Variants in RIN2 observed in about 807,000 individuals in gnomAD.
RIN2 encodes the protein Ras and Rab interactor 2.
RIN2 carries 36 observed loss-of-function variants against 78.0 expected under a neutral mutation model. The ratio of observed to expected loss-of-function variants is 0.46; its 90% CI spans 0.35 to 0.61. The LOEUF (loss-of-function observed/expected upper bound fraction) is 0.61, where lower values mean the gene tolerates loss of function less well. Ranked by LOEUF, RIN2 falls within the 20% of genes least tolerant of loss-of-function variation. The pLI, the probability that RIN2 is intolerant of heterozygous loss-of-function variation, is 0.00. For synonymous variants in RIN2, 466 were observed against 466.8 expected (o/e 1.00, Z 0.02); for missense variants, 1,087 against 1,159.7 (o/e 0.94, Z 0.91).
intron 2 of RIN2, among the ~76,000 whole-genome samples, chr20:19,875,541 G>A (rs190850051): frequency 2.6e-5 from 4 of 152,264 alleles, no homozygotes; most frequent in South Asian, 2.1e-4. Context: ...AGTCTGAGGC[G>A]GGAGGATGGC....
At chr20:19,848,965 T>C (rs770099364) in intron 2 of RIN2, among the ~76,000 whole-genome samples, 26 of 152,186 alleles carry the variant, frequency 1.7e-4, no homozygotes, top group Non-Finnish European at 2.5e-4. Flanking sequence ...CAGTCGGCCA[T>C]TTAGTTGTCC....
chr20:19,880,054 G>A (rs538585054), intron 2 of RIN2, among the ~76,000 whole-genome samples: 1 of 152,232 alleles, frequency 6.6e-6, no homozygotes, highest in East Asian at 1.9e-4. Flanking sequence ...TTCAAGACCA[G>A]CCTGGCCAAC....
intron 1 of RIN2, among the ~76,000 whole-genome samples, chr20:19,769,520 A>G (rs1449855654): frequency 4.6e-5 from 7 of 152,204 alleles, no homozygotes; most frequent in Non-Finnish European, 7.3e-5. Context: ...CATCTCTGGT[A>G]GGTTGCACAA....
At chr20:19,832,773 A>G (rs1030026828) in intron 2 of RIN2, among the ~76,000 whole-genome samples, 4 of 152,014 alleles carry the variant, frequency 2.6e-5, no homozygotes, top group African/African-American at 9.7e-5. Flanking sequence ...GAGGGGACGA[A>G]TGCTCTGTCC....
chr20:19,831,573 A>G (rs2036252396), intron 2 of RIN2, among the ~76,000 whole-genome samples: 1 of 152,234 alleles, frequency 6.6e-6, no homozygotes, highest in African/African-American at 2.4e-5. Flanking sequence ...CTGAATAGGA[A>G]GAGTAGACCG....
intron 6 of RIN2, among the ~76,000 whole-genome samples, chr20:19,963,523 C>T (rs988086173): frequency 7.3e-5 from 11 of 151,188 alleles, no homozygotes; most frequent in African/African-American, 2.2e-4. Context: ...ACAGGAGAAT[C>T]GCTTGAACCC....
chr20:19,992,140 T>C (rs1206573703), intron 10 of RIN2, 28 bp from the exon 11 acceptor site: 1 of 1,606,062 alleles, frequency 6.2e-7, no homozygotes, highest in African/African-American at 1.3e-5. Flanking sequence ...GGTAAAAATA[T>C]TCCATCTCCT....
chr20:19,771,552 T>C (rs189476378), intron 1 of RIN2, among the ~76,000 whole-genome samples: 223 of 152,254 alleles, frequency 1.5e-3, no homozygotes, highest in African/African-American at 5.1e-3. Flanking sequence ...ACGGCATCCT[T>C]AAGGGATTCA....
chr20:19,981,906 C>T (rs1045187708), intron 9 of RIN2, among the ~76,000 whole-genome samples: 6 of 152,202 alleles, frequency 3.9e-5, no homozygotes, highest in African/African-American at 1.2e-4. Context: ...CATGCCTGGG[C>T]GGTGATTTCA....
chr20:19,770,118 C>T (rs1431802870), intron 1 of RIN2, among the ~76,000 whole-genome samples: 2 of 152,156 alleles, frequency 1.3e-5, no homozygotes, highest in Non-Finnish European at 2.9e-5. Context: ...CCAGGAAAAG[C>T]TATGCTCAAG....
chr20:19,784,889 GGA>G (rs1206200920), intron 1 of RIN2, among the ~76,000 whole-genome samples: 1 of 152,126 alleles, frequency 6.6e-6, no homozygotes, highest in Non-Finnish European at 1.5e-5. Context: ...GAGGTTACTG[GGA>G]GAGAGGAGGG....
chr20:19,893,318 G>A lies in RIN2; in HGVS notation c.57+3660G>A, dbSNP rs150449427. Among the ~76,000 whole-genome samples the A allele has an allele frequency of 2.3e-3, 357 of 152,308 alleles. 2 individuals carry two copies. The highest frequency in any genetic ancestry group is 0.01 in the Middle Eastern group (3 of 294). ...ATTGGAGAGGATGCTTTCATAAAGC[G>A]TGAGGTTTCCTGGTCACATTCTTGG... On this transcript the variant is annotated intron_variant, in intron 3 of 12. Coordinates refer to ENST00000255006, the MANE Select transcript of RIN2 (RefSeq NM_018993.4).
chr20:19,854,531 T>A (rs1417372491), intron 2 of RIN2, among the ~76,000 whole-genome samples: 1 of 152,218 alleles, frequency 6.6e-6, no homozygotes, highest in Non-Finnish European at 1.5e-5. Context: ...GTTCTTCCAT[T>A]TGTTTGTGTC....
At chr20:19,912,475 C>CTTTTTTTTTTTTTTTTTTTTTTT (rs545323465) in intron 3 of RIN2, among the ~76,000 whole-genome samples, 1 of 110,930 alleles carries the variant, frequency 9.0e-6, no homozygotes, top group Non-Finnish European at 1.7e-5. Context: ...TTTTCTTTTT[C>CTTTTTTTTTTTTTTTTTTTTTTT]TTTTTTTTTT....
intron 4 of RIN2, among the ~76,000 whole-genome samples, chr20:19,945,293 G>A (rs999549752): frequency 6.6e-6 from 1 of 151,954 alleles, no homozygotes; most frequent in African/African-American, 2.4e-5. Flanking sequence ...ACTATGACAT[G>A]CCTTACCAAA....
chr20:19,901,658 G>A (rs1356402670), intron 3 of RIN2, among the ~76,000 whole-genome samples: 1 of 152,150 alleles, frequency 6.6e-6, no homozygotes, highest in Non-Finnish European at 1.5e-5. Context: ...AACTATTTTG[G>A]TGCCACTCCC....
chr20:19,832,183 G>T (rs1439453765), intron 2 of RIN2, among the ~76,000 whole-genome samples: 3 of 151,456 alleles, frequency 2.0e-5, no homozygotes, highest in African/African-American at 4.9e-5. Flanking sequence ...CAGTGGCTGA[G>T]CCCAGTGGGG....
In RIN2 at chr20:19,900,938, T is replaced by C. The variant is rs557340446; in HGVS notation, c.57+11280T>C. On this transcript the variant is annotated intron_variant, in intron 3 of 12. Coordinates refer to ENST00000255006, the MANE Select transcript of RIN2 (RefSeq NM_018993.4). ...GCACTCTGGCCTGGGCAACAAGAGCTCTGTCTCAAAAAAAAAAAAAAAAAA... is the reference window on the plus strand; with the variant it reads ...GCACTCTGGCCTGGGCAACAAGAGCCCTGTCTCAAAAAAAAAAAAAAAAAA... 4.6e-4 allele frequency among the ~76,000 whole-genome samples: 51 copies of C among 111,944 alleles called. No homozygotes were observed. In the East Asian group the frequency reaches 6.0e-3, roughly 13 times the overall value. 73.4% of individuals were successfully genotyped at this position (111,944 alleles called of 152,430 possible).
At position 19,956,718 on chromosome 20, in the gene RIN2, G is replaced by C; in HGVS notation, c.262G>C (p.Asp88His). ...CCTCTCCAACAGGCTCAGCATCTTG[G>C]ACCGGCTCCTCCACACCCACCCCAT... ...DSLSNRLSIL[D>H]RLLHTHPIWL... is the part of the protein sequence containing the mutation. Residue 88 changes from aspartate to histidine, a missense_variant, in exon 5 of 13, where the codon GAC becomes CAC. This residue lies in a region of RIN2 where 706 missense variants were observed against 667.5 expected (regional missense o/e 1.06). Transcript: ENST00000255006. The C allele has an allele frequency of 6.2e-7, 1 of 1,611,176 alleles. No individual in the cohort carries two copies. Among genetic ancestry groups the C allele is most frequent in the South Asian group, 1.1e-5 (1 of 90,284 alleles).
Sources: gnomAD v4.1 joint callset for allele counts (sites outside exome capture counted in the v4.1 genomes callset) on GRCh38, gnomAD v4.1.1 for gene constraint, gnomAD v4.1.1 regional missense constraint, MANE v1.5 for transcripts, NCBI Gene and HGNC (gene_info 2026-07-23, HGNC 2026-07-21) for gene names.